The following DCAF4 variants were observed in gnomAD, a reference collection of about 807,000 sequenced individuals.
The protein encoded by DCAF4 is DDB1- and CUL4-associated factor 4.
In DCAF4, 37 loss-of-function variants were observed where a neutral mutation model predicts 60.9. The ratio of observed to expected loss-of-function variants is 0.61; its 90% confidence interval spans 0.47 to 0.80. The LOEUF (loss-of-function observed/expected upper bound fraction) is 0.80. Among genes scored for constraint, DCAF4 ranks in the 30% least tolerant of loss-of-function variants. The pLI is 0.00. For synonymous variants in DCAF4, 243 were observed against 254.8 expected (o/e 0.95, Z 0.44); for missense variants, 577 against 650.0 (o/e 0.89, Z 1.22).
In DCAF4 at chr14:72,938,318, A is replaced by T. The variant is rs141396040; in HGVS notation, c.92+248A>T. On this transcript the variant is annotated intron_variant, in intron 2 of 13. Transcript: ENST00000358377. ...AGAGGACCACTCTCTGTTCTTTCCT[A>T]AGTGACCACGACCTCTGGCCAGAGC... Among the ~76,000 whole-genome samples the T allele has an allele frequency of 7.6e-4, 116 of 152,244 alleles. 1 individual carries two copies. The highest frequency in any genetic ancestry group is 2.7e-3 in the African/African-American group (111 of 41,546).
Position 72,929,864 on chromosome 14 carries a change from T to C in DCAF4, c.-9+3321T>C, listed in dbSNP as rs2061655540. 3.4e-6 allele frequency: 5 copies of C among 1,479,556 alleles called. No homozygotes were observed. The Admixed American group carries it at 9.5e-5, about 28-fold the overall frequency. The allele number at this position is 1,479,556 out of a possible 1,614,324, so 91.7% of individuals were successfully genotyped here. ...CCGCGGCGGCGGCTGTGCCTGGGCT[T>C]GCTCACGTTCTTGGTCACCTTGTGG... On this transcript the variant is annotated intron_variant, in intron 1 of 13. Transcript: ENST00000358377.
chr14:72,948,116 G>A (rs1209006089), intron 8 of DCAF4, among the ~76,000 whole-genome samples: 1 of 152,188 alleles, frequency 6.6e-6, no homozygotes, highest in East Asian at 1.9e-4. Context: ...CTCGACAAAT[G>A]ATAACTGAAT....
At chr14:72,943,942 G>A (rs576583823) in intron 6 of DCAF4, among the ~76,000 whole-genome samples, 1 of 152,316 alleles carries the variant, frequency 6.6e-6, no homozygotes, top group Admixed American at 6.5e-5. Flanking sequence ...CATGTAAGGG[G>A]TGTTGGGGAC....
At chr14:72,935,650 C>T (rs1023627433) in intron 1 of DCAF4, among the ~76,000 whole-genome samples, 2 of 152,198 alleles carry the variant, frequency 1.3e-5, no homozygotes, top group African/African-American at 4.8e-5. Flanking sequence ...TAGGGGTGAA[C>T]ACATGCTCTC....
intron 8 of DCAF4, among the ~76,000 whole-genome samples, chr14:72,951,312 T>TA (rs1411378533): frequency 1.3e-5 from 2 of 151,890 alleles, no homozygotes; most frequent in African/African-American, 2.4e-5. Flanking sequence ...TTTTTCCCTT[T>TA]AAAAAACATC....
rs1311903764 is a variant in DCAF4 at position 72,958,832 on chromosome 14, G to A, written c.*27G>A. On this transcript the variant is annotated 3_prime_UTR_variant, in exon 14 of 14. Coordinates refer to ENST00000358377, the MANE Select transcript of DCAF4 (RefSeq NM_015604.4). Reference sequence around the variant, plus strand: ...TCTGCAGGGCACAGCCCAGAGCCATGTGGATTTGACTTACGGGAGTAAAGC... The same window carrying A: ...TCTGCAGGGCACAGCCCAGAGCCATATGGATTTGACTTACGGGAGTAAAGC... The A allele has an allele frequency of 3.9e-6, 6 of 1,521,064 alleles. No individual in the cohort carries two copies. Among genetic ancestry groups the A allele is most frequent in the Non-Finnish European group, 3.5e-6 (4 of 1,136,712 alleles). The allele number at this position is 1,521,064 out of a possible 1,614,324, so 94.2% of individuals were successfully genotyped here. A position where few individuals can be genotyped will look rare whatever the true frequency, so the allele number is the denominator to read the frequency against.
intron 8 of DCAF4, among the ~76,000 whole-genome samples, chr14:72,951,468 G>A (rs544600594): frequency 3.3e-5 from 5 of 151,992 alleles, no homozygotes; most frequent in South Asian, 2.1e-4. Context: ...AAAATTACCC[G>A]GGCGTGGTGG....
At chr14:72,961,750 G>A, downstream of DCAF4, 1 of 862,576 alleles carries the variant, frequency 1.2e-6, no homozygotes, top group South Asian at 5.3e-5. Context: ...GGGGAATGCA[G>A]TGACTACACC....
chr14:72,947,320 C>T lies in DCAF4; in HGVS notation c.728+129C>T, dbSNP rs751039870. On this transcript the variant is annotated intron_variant, in intron 8 of 13. Coordinates refer to ENST00000358377, the MANE Select transcript of DCAF4 (RefSeq NM_015604.4). ...TAGACCCTTGTGCACTTACATCTCA[C>T]GCTTTAGAAAAAAAAGCAGCGTACC... 3.6e-4 allele frequency: 394 copies of T among 1,088,020 alleles called. 1 individual carries two copies. The highest frequency in any genetic ancestry group is 5.3e-4 in the Non-Finnish European group (375 of 713,888). 67.4% of individuals were successfully genotyped at this position (1,088,020 alleles called of 1,614,324 possible). A position where few individuals can be genotyped will look rare whatever the true frequency, so the allele number is the denominator to read the frequency against.
chr14:72,952,024 G>GT (rs3214336), intron 9 of DCAF4, 147 bp downstream of exon 9: 11 of 715,788 alleles, frequency 1.5e-5, no homozygotes, highest in South Asian at 1.5e-4. Context: ...AGAAGCATGT[G>GT]TTTTTTTTAC....
downstream of DCAF4, chr14:72,961,955 G>A (rs1311510712): frequency 1.8e-6 from 2 of 1,142,828 alleles, no homozygotes; most frequent in African/African-American, 1.7e-5. Context: ...CTCCGTCGGA[G>A]CACGTCTGTC....
In DCAF4 at chr14:72,959,663, A is replaced by G; in HGVS notation, c.*858A>G. 1.0e-6 allele frequency: 1 copy of G among 985,354 alleles called. No individual in the cohort carries two copies. Among genetic ancestry groups the G allele is most frequent in the African/African-American group, 1.7e-5 (1 of 57,338 alleles). The allele number at this position is 985,354 out of a possible 1,614,324, so 61.0% of individuals were successfully genotyped here. A position where few individuals can be genotyped will look rare whatever the true frequency, so the allele number is the denominator to read the frequency against. ...AGAGAAGAATCATGGTGTGACATGCACTTCTGTGAATGACTTAGGAGATCA... is the reference window on the plus strand; with the variant it reads ...AGAGAAGAATCATGGTGTGACATGCGCTTCTGTGAATGACTTAGGAGATCA... On this transcript the variant is annotated 3_prime_UTR_variant, in exon 14 of 14. Coordinates refer to ENST00000358377, the MANE Select transcript of DCAF4 (RefSeq NM_015604.4).
At chr14:72,949,687 A>G (rs930244653) in intron 8 of DCAF4, among the ~76,000 whole-genome samples, 1 of 151,772 alleles carries the variant, frequency 6.6e-6, no homozygotes, top group Admixed American at 6.6e-5. Context: ...AACCCGGGAG[A>G]CAGAGGTTGC....
intron 1 of DCAF4, among the ~76,000 whole-genome samples, chr14:72,934,383 A>G (rs1402937235): frequency 2.6e-5 from 4 of 151,188 alleles, no homozygotes; most frequent in African/African-American, 9.7e-5. Flanking sequence ...CAAACTCCCA[A>G]CCTCAGGTGA....
At chr14:72,939,496 G>C (rs1180759397) in intron 2 of DCAF4, among the ~76,000 whole-genome samples, 1 of 152,222 alleles carries the variant, frequency 6.6e-6, no homozygotes, top group Non-Finnish European at 1.5e-5. Flanking sequence ...TATTGGCAGA[G>C]ATTTCTATTT....
intron 1 of DCAF4, chr14:72,929,593 A>G (rs1888241957): frequency 1.0e-6 from 1 of 970,658 alleles, no homozygotes; most frequent in Admixed American, 2.0e-5. Context: ...TATTTCAGGA[A>G]GAGGGCAGGG....
At chr14:72,938,744 GA>G (rs1889629632) in intron 2 of DCAF4, among the ~76,000 whole-genome samples, 1 of 151,774 alleles carries the variant, frequency 6.6e-6, no homozygotes, top group African/African-American at 2.4e-5. Flanking sequence ...GGGTATATAA[GA>G]TTTTTTTTTA....
chr14:72,943,185 C>T, intron 6 of DCAF4, 89 bp downstream of exon 6: 1 of 1,182,292 alleles, frequency 8.5e-7, no homozygotes. Flanking sequence ...AAACCTGGCT[C>T]TGGAGAAGCC....
chr14:72,943,225 T>C, intron 6 of DCAF4, 129 bp downstream of exon 6: 1 of 808,548 alleles, frequency 1.2e-6, no homozygotes, highest in Non-Finnish European at 2.0e-6. Context: ...GGCATCTTCT[T>C]GGTTGTACGA....
Sources: gnomAD v4.1 joint callset for allele counts (sites outside exome capture counted in the v4.1 genomes callset) on GRCh38, gnomAD v4.1.1 for gene constraint, MANE v1.5 for transcripts, NCBI Gene and HGNC (gene_info 2026-07-23, HGNC 2026-07-21) for gene names.